The following CNOT4 variants were observed in gnomAD, a reference collection of about 807,000 sequenced individuals.
CNOT4 encodes CCR4-associated factor 4.
A neutral mutation model predicts 73.8 loss-of-function variants in CNOT4; 8 were observed. The ratio of observed to expected loss-of-function variants is 0.11; its 90% CI spans 0.06 to 0.20. CNOT4 has a LOEUF of 0.20. Among genes scored for constraint, CNOT4 ranks in the 10% least tolerant of loss-of-function variants. The probability of loss-of-function intolerance (pLI) is 1.00; values close to 1 mark genes in which losing one functional copy is unlikely to be tolerated. For synonymous variants in CNOT4, 293 were observed against 321.1 expected (o/e 0.91, Z 0.94); for missense variants, 564 against 883.4 (o/e 0.64, Z 4.58).
Position 135,410,646 on chromosome 7 carries a change from C to A in CNOT4, c.690G>T (p.Ala230=). ...AASFTKEEMQ[A]GKHQEYEQKL... ...TCTGTTCATATTCTTGGTGTTTACC[C>A]GCCTAACGAAAGAAGAAATTAAAAC... The change falls in exon 7 of 12, where the codon GCG becomes GCT. Residue 230 remains alanine, a splice_region_variant and synonymous_variant. Coordinates refer to ENST00000541284, the MANE Select transcript of CNOT4 (RefSeq NM_001190850.2). 1 of 1,576,452 alleles carries A rather than the reference C, an allele frequency of 6.3e-7. No homozygotes were observed. The highest frequency in any genetic ancestry group is 8.6e-7 in the Non-Finnish European group (1 of 1,164,798).
intron 1 of CNOT4, among the ~76,000 whole-genome samples, chr7:135,468,486 G>C (rs1801366776): frequency 6.6e-6 from 1 of 152,008 alleles, no homozygotes; most frequent in Non-Finnish European, 1.5e-5. Context: ...TTCAAGACCA[G>C]CCTGGCCAAC....
chr7:135,453,847 T>TATATATATATATATATATATATAA (rs1554438701), intron 1 of CNOT4, among the ~76,000 whole-genome samples: 2 of 119,380 alleles, frequency 1.7e-5, no homozygotes, highest in Non-Finnish European at 3.6e-5. Flanking sequence ...TATATATATA[T>TATATATATATATATATATATATAA]TATATATATA....
At chr7:135,371,302 G>C (rs919345661) in intron 10 of CNOT4, among the ~76,000 whole-genome samples, 1 of 152,170 alleles carries the variant, frequency 6.6e-6, no homozygotes, top group African/African-American at 2.4e-5. Flanking sequence ...CAGGACTCAT[G>C]GGCTAACAGA....
intron 1 of CNOT4, among the ~76,000 whole-genome samples, chr7:135,502,549 TCAGGCCTGTAATCCCAA>T (rs1434018449): frequency 6.6e-6 from 1 of 152,238 alleles, no homozygotes; most frequent in Non-Finnish European, 1.5e-5. Flanking sequence ...GTGCAGTGGC[TCAGGCCTGTAATCCCAA>T]CACTTTGGGA....
intron 10 of CNOT4, among the ~76,000 whole-genome samples, chr7:135,369,764 T>A (rs541720139): frequency 2.0e-5 from 3 of 152,324 alleles, no homozygotes; most frequent in East Asian, 3.9e-4. Flanking sequence ...TTATAAGTGA[T>A]CTCCTACCAG....
At chr7:135,372,316 C>T (rs1176668716) in intron 10 of CNOT4, among the ~76,000 whole-genome samples, 1 of 152,184 alleles carries the variant, frequency 6.6e-6, no homozygotes. Flanking sequence ...TTTACAAAAG[C>T]AGGGAATGGG....
chr7:135,373,470 TC>T (rs1795333495), intron 10 of CNOT4, among the ~76,000 whole-genome samples: 1 of 152,206 alleles, frequency 6.6e-6, no homozygotes, highest in Non-Finnish European at 1.5e-5. Flanking sequence ...ATGAGTTTTA[TC>T]CCAGGCTCTT....
At chr7:135,436,650 C>G (rs1302993018) in intron 2 of CNOT4, among the ~76,000 whole-genome samples, 3 of 150,510 alleles carry the variant, frequency 2.0e-5, no homozygotes, top group African/African-American at 2.4e-5. Context: ...ATTATATATA[C>G]ACATTATATA....
At chr7:135,494,268 A>G (rs1301050630) in intron 1 of CNOT4, among the ~76,000 whole-genome samples, 148 of 151,754 alleles carry the variant, frequency 9.8e-4, no homozygotes, top group Admixed American at 2.4e-3. Flanking sequence ...TCAGGAGTTC[A>G]AGACCAGCCT....
At chr7:135,441,032 G>A (rs1799449271) in intron 1 of CNOT4, among the ~76,000 whole-genome samples, 1 of 152,084 alleles carries the variant, frequency 6.6e-6, no homozygotes, top group Non-Finnish European at 1.5e-5. Context: ...GTCTATTCTA[G>A]TTATACTTTT....
chr7:135,451,600 T>C (rs979731321), intron 1 of CNOT4, among the ~76,000 whole-genome samples: 2 of 152,096 alleles, frequency 1.3e-5, no homozygotes, highest in African/African-American at 4.8e-5. Flanking sequence ...GCCAACTGTT[T>C]TTACACTAAA....
intron 10 of CNOT4, among the ~76,000 whole-genome samples, chr7:135,371,874 G>C (rs1240141099): frequency 6.6e-6 from 1 of 152,084 alleles, no homozygotes; most frequent in East Asian, 1.9e-4. Context: ...ATGAGGGCAA[G>C]GGACAAAAAA....
At chr7:135,499,610 C>G (rs1803827835) in intron 1 of CNOT4, among the ~76,000 whole-genome samples, 1 of 152,158 alleles carries the variant, frequency 6.6e-6, no homozygotes, top group Admixed American at 6.5e-5. Context: ...CAGCAACCCA[C>G]TATGACACTC....
At chr7:135,367,596 C>T (rs10458299) in intron 10 of CNOT4, among the ~76,000 whole-genome samples, 9,489 of 152,052 alleles carry the variant, frequency 0.062, 425 homozygotes, top group Middle Eastern at 0.13. Flanking sequence ...TGGTCAATAC[C>T]GAACGGATAG....
intron 10 of CNOT4, among the ~76,000 whole-genome samples, chr7:135,368,458 G>A (rs1795026175): frequency 2.0e-5 from 3 of 152,254 alleles, no homozygotes; most frequent in Non-Finnish European, 2.9e-5. Context: ...GGGGCTAAAA[G>A]TCTAGACAGT....
intron 1 of CNOT4, among the ~76,000 whole-genome samples, chr7:135,479,932 T>C (rs1470189764): frequency 6.6e-6 from 1 of 152,030 alleles, no homozygotes; most frequent in African/African-American, 2.4e-5. Flanking sequence ...AGTTTATGTA[T>C]TTTATAATGA....
intron 7 of CNOT4, among the ~76,000 whole-genome samples, chr7:135,407,572 GC>G (rs1246427265): frequency 6.6e-6 from 1 of 152,194 alleles, no homozygotes; most frequent in Non-Finnish European, 1.5e-5. Flanking sequence ...TTTAGCCTAA[GC>G]ATTTTTCAAA....
intron 1 of CNOT4, among the ~76,000 whole-genome samples, chr7:135,503,322 G>A (rs1386424661): frequency 6.6e-6 from 1 of 152,000 alleles, no homozygotes; most frequent in African/African-American, 2.4e-5. Context: ...AAAATTAGCT[G>A]GGCATGGTCC....
At chr7:135,420,845 G>C (rs78062485) in intron 3 of CNOT4, among the ~76,000 whole-genome samples, 1 of 151,928 alleles carries the variant, frequency 6.6e-6, no homozygotes, top group East Asian at 1.9e-4. Context: ...AAAAAAAAAA[G>C]AGGGAGAACT....
Sources: allele counts gnomAD v4.1 joint callset (sites outside exome capture counted in the v4.1 genomes callset), GRCh38; gene constraint gnomAD v4.1.1; transcripts MANE v1.5; gene names NCBI Gene and HGNC (gene_info 2026-07-23, HGNC 2026-07-21).